The following PAFAH1B2 variants were observed in gnomAD, a reference collection of about 807,000 sequenced individuals.
The protein encoded by PAFAH1B2 is platelet-activating factor acetylhydrolase IB subunit alpha2.
Under a neutral mutation model 28.0 loss-of-function variants are expected in PAFAH1B2, and 8 were observed. That is an observed-to-expected ratio of 0.29 (90% CI 0.17 to 0.52). PAFAH1B2 has a LOEUF of 0.52. PAFAH1B2 is among the 20% of genes least tolerant of loss of function. The pLI is 0.97. For missense variants in PAFAH1B2, 190 were observed against 282.6 expected (o/e 0.67, Z 2.35); for synonymous variants, 104 against 103.2 (o/e 1.01, Z -0.05).
At chr11:117,149,357 A>G (rs1565260471) in intron 1 of PAFAH1B2, among the ~76,000 whole-genome samples, 3 of 151,338 alleles carry the variant, frequency 2.0e-5, no homozygotes, top group Admixed American at 6.6e-5. Context: ...TGCTGAGATT[A>G]TAAGTGTGAG....
At position 117,169,863 on chromosome 11, in the gene PAFAH1B2, A is replaced by G. The variant is rs576706494; in HGVS notation, c.*2164A>G. 2.1e-5 allele frequency: 22 copies of G among 1,055,118 alleles called. 1 individual carries two copies. The African/African-American group carries it at 3.5e-4, about 17-fold the overall frequency. 65.4% of individuals were successfully genotyped at this position (1,055,118 alleles called of 1,614,324 possible). A position where few individuals can be genotyped will look rare whatever the true frequency, so the allele number is the denominator to read the frequency against. On this transcript the variant is annotated 3_prime_UTR_variant, in exon 6 of 6. Transcript: ENST00000527958. ...GTCAGAAGGTGGGAGTATGGTCCAA[A>G]TAAATCCATTAGGTTACTCCTGCAG...
intron 2 of PAFAH1B2, 182 bp from the exon 3 acceptor site, chr11:117,159,751 AG>A (rs1475008912): frequency 5.8e-6 from 3 of 516,378 alleles, no homozygotes; most frequent in Admixed American, 3.2e-5. Context: ...AAAAAAAAAA[AG>A]AAAGAAAAAA....
intron 2 of PAFAH1B2, among the ~76,000 whole-genome samples, chr11:117,155,075 C>G (rs530716212): frequency 6.6e-6 from 1 of 152,286 alleles, no homozygotes; most frequent in Admixed American, 6.5e-5. Context: ...ACTTCTACCT[C>G]CTGAATAGCT....
At chr11:117,148,018 A>AAATTAG (rs1377638312) in intron 1 of PAFAH1B2, among the ~76,000 whole-genome samples, 14 of 152,070 alleles carry the variant, frequency 9.2e-5, no homozygotes, top group Admixed American at 5.2e-4. Context: ...ACAACTTAGT[A>AAATTAG]AATTAGAATT....
chr11:117,177,644 C>T (rs2030058232), downstream of PAFAH1B2, among the ~76,000 whole-genome samples: 2 of 152,250 alleles, frequency 1.3e-5, no homozygotes, highest in Non-Finnish European at 2.9e-5. Context: ...AAGCGATTCT[C>T]CTGCTTCAGC....
intron 2 of PAFAH1B2, among the ~76,000 whole-genome samples, chr11:117,153,906 T>G (rs1956208234): frequency 6.6e-6 from 1 of 151,756 alleles, no homozygotes; most frequent in Non-Finnish European, 1.5e-5. Flanking sequence ...TTTCTCCAGT[T>G]GTCCCAATAT....
Position 117,168,449 on chromosome 11 carries a change from T to TGTTGTTTTTC in PAFAH1B2, c.*750_*751insGTTGTTTTTC, listed in dbSNP as rs1555033287. ...CCTTCATTCCCCCCGCCACCCCGTT[T>TGTTGTTTTTC]TTTTTTTTTTTTTTTTTTTTTTGGT... On this transcript the variant is annotated 3_prime_UTR_variant, in exon 6 of 6. Coordinates refer to ENST00000527958, the MANE Select transcript of PAFAH1B2 (RefSeq NM_002572.4). 1.7e-6 allele frequency: 1 copy of TGTTGTTTTTC among 597,570 alleles called. No homozygotes were observed. Among genetic ancestry groups the TGTTGTTTTTC allele is most frequent in the Non-Finnish European group, 2.0e-6 (1 of 510,196 alleles). 37.0% of individuals were successfully genotyped at this position (597,570 alleles called of 1,614,324 possible). A position where few individuals can be genotyped will look rare whatever the true frequency, so the allele number is the denominator to read the frequency against.
intron 5 of PAFAH1B2, among the ~76,000 whole-genome samples, chr11:117,164,710 C>G (rs966254448): frequency 6.6e-6 from 1 of 151,970 alleles, no homozygotes; most frequent in Non-Finnish European, 1.5e-5. Context: ...TTCATGGTCT[C>G]AAAGGTGAAC....
intron 2 of PAFAH1B2, 115 bp from the exon 3 acceptor site, chr11:117,159,819 G>A: frequency 1.4e-6 from 1 of 697,620 alleles, no homozygotes; most frequent in Non-Finnish European, 2.6e-6. Flanking sequence ...TCAAACTCCT[G>A]ACCTCAAGTT....
chr11:117,159,803 C>T, intron 2 of PAFAH1B2, 131 bp from the exon 3 acceptor site: 4 of 637,782 alleles, frequency 6.3e-6, no homozygotes, highest in South Asian at 5.8e-5. Flanking sequence ...ATTACCCAGG[C>T]TGATCTCAAA....
chr11:117,159,696 C>T lies in PAFAH1B2; in HGVS notation c.82-238C>T, dbSNP rs1956327424. Reference sequence around the variant, plus strand: ...GTTGCAGTGAGCCAAGATCACGCCACTGTACTCCAGCCTGGGTGAGAGAGC... The same window carrying T: ...GTTGCAGTGAGCCAAGATCACGCCATTGTACTCCAGCCTGGGTGAGAGAGC... On this transcript the variant is annotated intron_variant, in intron 2 of 5. Transcript: ENST00000527958. 31 of 434,264 alleles carry T rather than the reference C, an allele frequency of 7.1e-5. No homozygotes were observed. In the South Asian group the frequency reaches 1.1e-3, roughly 15 times the overall value. 26.9% of individuals were successfully genotyped at this position (434,264 alleles called of 1,614,324 possible).
intron 3 of PAFAH1B2, 68 bp downstream of exon 3, chr11:117,160,091 T>C: frequency 9.2e-7 from 1 of 1,089,342 alleles, no homozygotes; most frequent in Non-Finnish European, 1.4e-6. Context: ...TAACAGACTT[T>C]CATTCTGAGC....
downstream of PAFAH1B2, chr11:117,174,779 A>G: frequency 1.7e-6 from 1 of 582,656 alleles, no homozygotes; most frequent in Non-Finnish European, 2.8e-6. Context: ...CACCTGACCT[A>G]ATTTTCTGTA....
intron 2 of PAFAH1B2, among the ~76,000 whole-genome samples, chr11:117,155,867 A>G (rs1254243615): frequency 1.3e-5 from 2 of 152,066 alleles, no homozygotes; most frequent in African/African-American, 4.8e-5. Context: ...ACCCCCCAAA[A>G]TAGCAAACAA....
At chr11:117,146,104 GTCTT>G (rs1252526145) in intron 1 of PAFAH1B2, among the ~76,000 whole-genome samples, 7 of 76,356 alleles carry the variant, frequency 9.2e-5, no homozygotes, top group East Asian at 4.7e-4. Context: ...ATTCTGCTTG[GTCTT>G]TCTTTCTTTT....
rs1956604306 is a variant in PAFAH1B2 at position 117,169,654 on chromosome 11, A to AT, written c.*1956dup. 1.9e-6 allele frequency: 2 copies of AT among 1,053,502 alleles called. No homozygotes were observed. Among genetic ancestry groups the AT allele is most frequent in the Non-Finnish European group, 2.3e-6 (2 of 871,310 alleles). 65.3% of individuals were successfully genotyped at this position (1,053,502 alleles called of 1,614,324 possible). On this transcript the variant is annotated 3_prime_UTR_variant, in exon 6 of 6. Transcript: ENST00000527958. ...ATCATGTCTTCATTAACAACAGAAA[A>AT]TCCACATGGTGTTTACTAAACTTGT... is the stretch of plus-strand genomic sequence containing the variant.
chr11:117,172,396 ATATATATATTTTTTTTTTTTTTT>A (rs1956689384), downstream of PAFAH1B2, among the ~76,000 whole-genome samples: 9 of 2,500 alleles, frequency 3.6e-3, no homozygotes, highest in Non-Finnish European at 7.7e-3. Context: ...ATATATATAT[ATATATATATTTTTTTTTTTTTTT>A]TTTTTTTTTT....
intron 4 of PAFAH1B2, among the ~76,000 whole-genome samples, chr11:117,162,200 T>C (rs1437300801): frequency 1.3e-5 from 2 of 152,116 alleles, no homozygotes; most frequent in Non-Finnish European, 2.9e-5. Context: ...GTGGCATGAT[T>C]ATAGCTCACT....
In PAFAH1B2 at chr11:117,167,093, G is replaced by C. The variant is rs1182454357; in HGVS notation, c.412-328G>C. On this transcript the variant is annotated intron_variant, in intron 5 of 5. Coordinates refer to ENST00000527958, the MANE Select transcript of PAFAH1B2 (RefSeq NM_002572.4). ...TTTTGGATCAGTTGGGAGTGCCTTGGGAACATTTAAATTTCTTTCTGTAGC... is the reference window on the plus strand; with the variant it reads ...TTTTGGATCAGTTGGGAGTGCCTTGCGAACATTTAAATTTCTTTCTGTAGC... 4.6e-5 allele frequency among the ~76,000 whole-genome samples: 7 copies of C among 152,194 alleles called. No homozygotes were observed. In the East Asian group the frequency reaches 1.4e-3, roughly 29 times the overall value.
Sources: gnomAD v4.1 joint callset for allele counts (sites outside exome capture counted in the v4.1 genomes callset) on GRCh38, gnomAD v4.1.1 for gene constraint, MANE v1.5 for transcripts, NCBI Gene and HGNC (gene_info 2026-07-23, HGNC 2026-07-21) for gene names.